Variants in MMS22L observed in about 807,000 individuals in gnomAD.
The protein encoded by MMS22L is protein MMS22-like.
MMS22L carries 74 observed loss-of-function variants against 159.1 expected under a neutral mutation model. The ratio of observed to expected loss-of-function variants is 0.47; its 90% CI spans 0.39 to 0.56. The LOEUF (loss-of-function observed/expected upper bound fraction) is 0.56, where lower values mean the gene tolerates loss of function less well. Among genes scored for constraint, MMS22L ranks in the 20% least tolerant of loss-of-function variants. The probability of loss-of-function intolerance (pLI) is 0.00; values close to 1 mark genes in which losing one functional copy is unlikely to be tolerated. For missense variants in MMS22L, 1,351 were observed against 1,422.1 expected (o/e 0.95, Z 0.80); for synonymous variants, 517 against 506.9 (o/e 1.02, Z -0.27).
At chr6:97,190,569 T>C (rs1805761751) in intron 14 of MMS22L, among the ~76,000 whole-genome samples, 1 of 152,172 alleles carries the variant, frequency 6.6e-6, no homozygotes, top group African/African-American at 2.4e-5. Flanking sequence ...ATGGTGGAAA[T>C]AACAGCAACA....
chr6:97,279,975 C>A (rs187252704), intron 3 of MMS22L, among the ~76,000 whole-genome samples: 22 of 152,196 alleles, frequency 1.4e-4, no homozygotes, highest in African/African-American at 4.8e-4. Context: ...TCTTGCTATT[C>A]TTCCTAGTTG....
intron 15 of MMS22L, among the ~76,000 whole-genome samples, chr6:97,184,913 A>T (rs1805068440): frequency 6.6e-6 from 1 of 152,154 alleles, no homozygotes; most frequent in Non-Finnish European, 1.5e-5. Context: ...ACAAGGCAGA[A>T]CACAAACTAG....
intron 14 of MMS22L, among the ~76,000 whole-genome samples, chr6:97,201,193 AT>A (rs1212416386): frequency 6.6e-6 from 1 of 152,192 alleles, no homozygotes; most frequent in Non-Finnish European, 1.5e-5. Flanking sequence ...CAGCCTACAT[AT>A]TTGAATAATA....
intron 22 of MMS22L, among the ~76,000 whole-genome samples, chr6:97,160,494 T>C (rs1802327322): frequency 6.6e-6 from 1 of 152,070 alleles, no homozygotes; most frequent in Non-Finnish European, 1.5e-5. Context: ...TGGGGTTTCT[T>C]GTAGAGGATG....
At position 97,173,148 on chromosome 6, in the gene MMS22L, G is replaced by A; in HGVS notation, c.2754C>T (p.Tyr918=). 6.2e-7 allele frequency: 1 copy of A among 1,613,508 alleles called. No individual in the cohort carries two copies. The highest frequency in any genetic ancestry group is 8.5e-7 in the Non-Finnish European group (1 of 1,179,694). ...TAATATATTTTAATACTTCACCAAGGTATTCCAAGGACTTTGTGACCATGG... is the reference window on the plus strand; with the variant it reads ...TAATATATTTTAATACTTCACCAAGATATTCCAAGGACTTTGTGACCATGG... ...KSAMVTKSLE[Y]LGEVLKYIKP... is the part of the protein sequence containing the mutation. Residue 918 remains tyrosine (Y), a synonymous_variant, in exon 19 of 25, where the codon TAC becomes TAT. Transcript: ENST00000683635.
chr6:97,239,849 T>A (rs955623319), intron 11 of MMS22L, among the ~76,000 whole-genome samples: 2 of 152,170 alleles, frequency 1.3e-5, no homozygotes, highest in Non-Finnish European at 2.9e-5. Flanking sequence ...AAGGTTATAG[T>A]GAGCTATAAC....
rs1202470772 is a variant in MMS22L at position 97,142,776 on chromosome 6, A to C, written c.*4030T>G. 6.6e-6 allele frequency: 1 copy of C among 152,174 alleles called. No individual in the cohort carries two copies. Among genetic ancestry groups the C allele is most frequent in the African/African-American group, 2.4e-5 (1 of 41,440 alleles). 9.4% of individuals were successfully genotyped at this position (152,174 alleles called of 1,614,324 possible). ...TTTTAACTGTCAAAGATTCTGTGAA[A>C]GTACACAGAAGCAGGTCCGTGTAAT... On this transcript the variant is annotated 3_prime_UTR_variant, in exon 25 of 25. Transcript: ENST00000683635.
chr6:97,243,937 C>T (rs948865215), intron 11 of MMS22L, among the ~76,000 whole-genome samples: 3 of 152,018 alleles, frequency 2.0e-5, no homozygotes, highest in African/African-American at 4.8e-5. Flanking sequence ...GTCTCTCAGC[C>T]GTGGATACCA....
chr6:97,189,361 A>T (rs1367976193), intron 14 of MMS22L, among the ~76,000 whole-genome samples: 1 of 151,334 alleles, frequency 6.6e-6, no homozygotes, highest in African/African-American at 2.4e-5. Context: ...GGATTTCAAG[A>T]CCAGCCTGGG....
chr6:97,275,939 G>A (rs890475180), intron 4 of MMS22L, among the ~76,000 whole-genome samples: 4 of 152,166 alleles, frequency 2.6e-5, no homozygotes, highest in Non-Finnish European at 5.9e-5. Flanking sequence ...AGGAGGTCAA[G>A]GCTGAAGTGA....
intron 14 of MMS22L, among the ~76,000 whole-genome samples, chr6:97,190,226 T>C (rs377397440): frequency 2.0e-5 from 3 of 152,330 alleles, no homozygotes; most frequent in Admixed American, 2.0e-4. Flanking sequence ...AAGAATGTAA[T>C]ATAGTTCTAG....
intron 22 of MMS22L, among the ~76,000 whole-genome samples, chr6:97,157,226 G>A (rs1318765845): frequency 1.3e-5 from 2 of 152,112 alleles, no homozygotes; most frequent in African/African-American, 4.8e-5. Context: ...GGACTGAGAC[G>A]ATGGGGTTTC....
chr6:97,233,302 C>T (rs1811064431), intron 12 of MMS22L, among the ~76,000 whole-genome samples: 1 of 152,098 alleles, frequency 6.6e-6, no homozygotes. Flanking sequence ...ATGTATTTGT[C>T]CATGTTGTTC....
chr6:97,242,437 T>C lies in MMS22L; in HGVS notation c.1182+4191A>G, dbSNP rs546421293. ...TACTTCTGCTCACTTTTGGGGTCCA[T>C]TTGAATGGACTATCTTTTTCCACCC... On this transcript the variant is annotated intron_variant, in intron 11 of 24. Transcript: ENST00000683635. Among the ~76,000 whole-genome samples, 3 of 152,332 alleles carry C rather than the reference T, an allele frequency of 2.0e-5. No homozygotes were observed. In the South Asian group the frequency reaches 6.2e-4, roughly 32 times the overall value.
intron 14 of MMS22L, among the ~76,000 whole-genome samples, chr6:97,192,670 C>T (rs1233896916): frequency 1.3e-5 from 2 of 152,060 alleles, no homozygotes; most frequent in Non-Finnish European, 2.9e-5. Flanking sequence ...TCCTATTTTG[C>T]CAATTAGCAG....
chr6:97,162,113 T>C lies in MMS22L; in HGVS notation c.3274A>G (p.Ile1092Val), dbSNP rs1367408249. Reference protein sequence around the residue: ...GSSPPPRLASILAFILQLFKE... With the variant: ...GSSPPPRLASVLAFILQLFKE... ...AAGAGTTGGAGGATGAAGGCCAGAA[T>C]GGATGCTAAGCGAGGAGGAGGTGAG... Residue 1092 changes from isoleucine to valine, a missense_variant, in exon 22 of 25, where the codon ATT (isoleucine) becomes GTT (valine). Ile to Val is a conservative substitution (Grantham distance 29). Coordinates refer to ENST00000683635, the MANE Select transcript of MMS22L (RefSeq NM_001350599.2). 7.4e-6 allele frequency: 12 copies of C among 1,611,710 alleles called. No individual in the cohort carries two copies. Among genetic ancestry groups the C allele is most frequent in the Non-Finnish European group, 1.0e-5 (12 of 1,178,916 alleles).
chr6:97,214,700 T>TTC (rs1410707236), intron 14 of MMS22L, among the ~76,000 whole-genome samples: 7 of 148,984 alleles, frequency 4.7e-5, no homozygotes, highest in African/African-American at 1.2e-4. Context: ...TTTTTTTTTT[T>TTC]CAAATCATTT....
chr6:97,282,690 T>G, intron 1 of MMS22L, 137 bp from the exon 2 acceptor site: 1 of 501,042 alleles, frequency 2.0e-6, no homozygotes, highest in Non-Finnish European at 3.6e-6. Flanking sequence ...CCTCCGTCCA[T>G]CAAGGCTGTC....
At chr6:97,222,724 A>G (rs1444858010) in intron 14 of MMS22L, among the ~76,000 whole-genome samples, 1 of 152,008 alleles carries the variant, frequency 6.6e-6, no homozygotes, top group Non-Finnish European at 1.5e-5. Flanking sequence ...AGGGAGGGAG[A>G]ATCTCATGAG....
Sources: gnomAD v4.1 joint callset for allele counts (sites outside exome capture counted in the v4.1 genomes callset) on GRCh38, gnomAD v4.1.1 for gene constraint, MANE v1.5 for transcripts, NCBI Gene and HGNC (gene_info 2026-07-23, HGNC 2026-07-21) for gene names.